Variants in TOX2 observed in about 807,000 individuals in gnomAD.
The protein encoded by TOX2 is TOX high mobility group box family member 2.
In TOX2, 15 loss-of-function variants were observed where a neutral mutation model predicts 47.4. The observed-to-expected ratio is 0.32, with a 90% CI of 0.21 to 0.49. TOX2 has a LOEUF of 0.49. Ranked by LOEUF, TOX2 falls within the 20% of genes least tolerant of loss-of-function variation. The pLI, the probability that TOX2 is intolerant of heterozygous loss-of-function variation, is 0.99. For missense variants in TOX2, 622 were observed against 673.1 expected (o/e 0.92, Z 0.84); for synonymous variants, 290 against 296.6 (o/e 0.98, Z 0.23).
At chr20:43,987,912 CTTTTTTT>C (rs762084312) in intron 2 of TOX2, among the ~76,000 whole-genome samples, 4 of 70,024 alleles carry the variant, frequency 5.7e-5, no homozygotes, top group Non-Finnish European at 7.6e-5. Flanking sequence ...ATATCAACAT[CTTTTTTT>C]TTTTTTTTTT....
In TOX2 at chr20:43,964,382, C is replaced by T. The variant is rs138763719; in HGVS notation, c.100-8985C>T. Among the ~76,000 whole-genome samples the T allele has an allele frequency of 6.7e-3, 1,020 of 152,344 alleles. 11 individuals are homozygous for T. The highest frequency in any genetic ancestry group is 8.5e-3 in the Non-Finnish European group (577 of 68,038). On this transcript the variant is annotated intron_variant, in intron 1 of 8. Transcript: ENST00000341197. ...CCCATGAGACTTCCACATAAAACCG[C>T]ACTCTCGGCAGGACCTAGGTTGCAG...
intron 3 of TOX2, chr20:44,039,158 G>A (rs1312446294): frequency 7.9e-7 from 1 of 1,265,206 alleles, no homozygotes; most frequent in South Asian, 1.2e-5. Flanking sequence ...CTCTGCCAGA[G>A]GCTTGGAAAG....
At chr20:43,968,819 G>A (rs930199533) in intron 1 of TOX2, among the ~76,000 whole-genome samples, 1 of 152,118 alleles carries the variant, frequency 6.6e-6, no homozygotes, top group Middle Eastern at 3.2e-3. Context: ...TGTTCTCCTG[G>A]CGTTCATGGA....
At chr20:44,060,502 C>G in intron 5 of TOX2, among the ~76,000 whole-genome samples, 1 of 152,000 alleles carries the variant, frequency 6.6e-6, no homozygotes, top group Non-Finnish European at 1.5e-5. Context: ...ATACAATAGG[C>G]CATAAAACAA....
chr20:43,983,375 C>T (rs1191241734), intron 2 of TOX2, among the ~76,000 whole-genome samples: 1 of 152,146 alleles, frequency 6.6e-6, no homozygotes, highest in Non-Finnish European at 1.5e-5. Flanking sequence ...TTTGCCTGGT[C>T]TGTTTCTCTC....
chr20:44,011,617 C>G (rs1370660496), intron 3 of TOX2, among the ~76,000 whole-genome samples: 1 of 152,208 alleles, frequency 6.6e-6, no homozygotes, highest in Non-Finnish European at 1.5e-5. Flanking sequence ...TCAGTTTTAC[C>G]AGATGGCTGA....
chr20:44,008,876 A>G (rs947972091), intron 3 of TOX2, among the ~76,000 whole-genome samples: 2 of 152,242 alleles, frequency 1.3e-5, no homozygotes, highest in African/African-American at 4.8e-5. Context: ...CAGTGTCACA[A>G]GGCCCATTTC....
intron 2 of TOX2, among the ~76,000 whole-genome samples, chr20:43,999,428 G>C (rs1387630110): frequency 6.6e-6 from 1 of 151,918 alleles, no homozygotes; most frequent in Non-Finnish European, 1.5e-5. Flanking sequence ...TGGTGTTTCT[G>C]TAAACCAACA....
At chr20:44,063,195 G>A (rs1432054982) in intron 5 of TOX2, among the ~76,000 whole-genome samples, 1 of 152,136 alleles carries the variant, frequency 6.6e-6, no homozygotes, top group East Asian at 1.9e-4. Flanking sequence ...AGGGTAAACA[G>A]ACAACCCACA....
At chr20:43,943,838 G>A (rs2069432186) in intron 1 of TOX2, among the ~76,000 whole-genome samples, 1 of 141,120 alleles carries the variant, frequency 7.1e-6, no homozygotes, top group East Asian at 2.1e-4. Context: ...AGGCCGCATA[G>A]TATTCCATTC....
At chr20:43,941,263 A>G (rs1010743409) in intron 1 of TOX2, among the ~76,000 whole-genome samples, 5 of 151,552 alleles carry the variant, frequency 3.3e-5, no homozygotes, top group Admixed American at 3.3e-4. Context: ...AAGGTTCGAG[A>G]GTCCCAGGGT....
intron 1 of TOX2, among the ~76,000 whole-genome samples, chr20:43,925,261 C>G (rs75618361): frequency 0.12 from 18,721 of 151,670 alleles, 1,284 homozygotes; most frequent in East Asian, 0.27. Flanking sequence ...GGGAGGGGGG[C>G]ATCTAGATCT....
At chr20:43,957,480 A>G (rs2069687269) in intron 1 of TOX2, among the ~76,000 whole-genome samples, 1 of 151,314 alleles carries the variant, frequency 6.6e-6, no homozygotes, top group South Asian at 2.1e-4. Flanking sequence ...ACTGGATGAT[A>G]TCTTCCTCCT....
intron 5 of TOX2, among the ~76,000 whole-genome samples, chr20:44,062,844 C>A (rs1371781598): frequency 6.6e-6 from 1 of 152,172 alleles, no homozygotes; most frequent in Non-Finnish European, 1.5e-5. Context: ...CAAATCCTTA[C>A]AACCAACTGA....
In TOX2 at chr20:44,068,961, G is replaced by T. The variant is rs928719555; in HGVS notation, c.*275G>T. The T allele has an allele frequency of 6.6e-6, 4 of 604,788 alleles. No individual in the cohort carries two copies. The highest frequency in any genetic ancestry group is 9.4e-6 in the Non-Finnish European group (3 of 319,872). 37.5% of individuals were successfully genotyped at this position (604,788 alleles called of 1,614,324 possible). A position where few individuals can be genotyped will look rare whatever the true frequency, so the allele number is the denominator to read the frequency against. The stretch of plus-strand genomic sequence containing the variant: ...ACTGTGGACCCTGTCCTCGCCCTGC[G>T]CACGGTACCCTATGTCTGGACACCC... On this transcript the variant is annotated 3_prime_UTR_variant, in exon 9 of 9. Coordinates refer to ENST00000341197, the MANE Select transcript of TOX2 (RefSeq NM_001098797.2).
intron 2 of TOX2, among the ~76,000 whole-genome samples, chr20:43,983,384 T>C (rs1047499331): frequency 1.3e-5 from 2 of 152,118 alleles, no homozygotes; most frequent in African/African-American, 4.8e-5. Flanking sequence ...TCTGTTTCTC[T>C]CACCACTTGG....
intron 1 of TOX2, among the ~76,000 whole-genome samples, chr20:43,942,832 T>C (rs1374832738): frequency 2.6e-5 from 4 of 152,188 alleles, no homozygotes; most frequent in South Asian, 4.1e-4. Flanking sequence ...AGCTGAGTCA[T>C]CTCTCTTTGT....
intron 1 of TOX2, among the ~76,000 whole-genome samples, chr20:43,963,970 G>A (rs193176880): frequency 2.1e-4 from 32 of 152,104 alleles, no homozygotes; most frequent in African/African-American, 7.2e-4. Flanking sequence ...ATAAGAAATA[G>A]CTAACAATGA....
chr20:44,031,105 G>A (rs545738528), intron 3 of TOX2, among the ~76,000 whole-genome samples: 10 of 152,216 alleles, frequency 6.6e-5, no homozygotes, highest in African/African-American at 2.4e-4. Context: ...AGCAGTTGGC[G>A]CCTTTACACC....
Sources: allele counts gnomAD v4.1 joint callset (sites outside exome capture counted in the v4.1 genomes callset), GRCh38; gene constraint gnomAD v4.1.1; transcripts MANE v1.5; gene names NCBI Gene and HGNC (gene_info 2026-07-23, HGNC 2026-07-21).